SPIDR: variants seen among roughly 807,000 people sequenced by gnomAD.
The protein encoded by SPIDR is scaffold protein involved in DNA repair.
SPIDR carries 93 observed loss-of-function variants against 104.6 expected under a neutral mutation model. That is an observed-to-expected ratio of 0.89 (90% CI 0.75 to 1.06). SPIDR has a LOEUF of 1.06. Among genes scored for constraint, SPIDR ranks in the 50% least tolerant of loss-of-function variants. The pLI is 0.00. For synonymous variants in SPIDR, 431 were observed against 416.9 expected, an observed-to-expected ratio of 1.03 and a Z score of -0.41; for missense variants, 1,154 against 1,111.2, an observed-to-expected ratio of 1.04 and a Z score of -0.55.
intron 5 of SPIDR, among the ~76,000 whole-genome samples, chr8:47,392,444 G>A (rs782364106): frequency 5.3e-5 from 8 of 152,218 alleles, no homozygotes; most frequent in Non-Finnish European, 8.8e-5. Flanking sequence ...GGATGCAAGA[G>A]CAAGGATGGA....
At chr8:47,540,894 C>T (rs2087975829) in intron 8 of SPIDR, among the ~76,000 whole-genome samples, 1 of 152,216 alleles carries the variant, frequency 6.6e-6, no homozygotes, top group Non-Finnish European at 1.5e-5. Flanking sequence ...GCGTCTCACT[C>T]TGTTGCCTAG....
intron 5 of SPIDR, among the ~76,000 whole-genome samples, chr8:47,345,277 GT>G (rs530309908): frequency 1.2e-4 from 19 of 152,256 alleles, no homozygotes; most frequent in African/African-American, 4.3e-4. Context: ...GGTTATAGAT[GT>G]GTGGTATTAT....
At chr8:47,333,940 G>A (rs1334861613) in intron 5 of SPIDR, among the ~76,000 whole-genome samples, 1 of 152,158 alleles carries the variant, frequency 6.6e-6, no homozygotes, top group Non-Finnish European at 1.5e-5. Context: ...TCTCCTCTAA[G>A]CATTGCTTTC....
intron 10 of SPIDR, among the ~76,000 whole-genome samples, chr8:47,651,803 G>A (rs1044923927): frequency 2.0e-5 from 3 of 152,158 alleles, no homozygotes; most frequent in Non-Finnish European, 4.4e-5. Flanking sequence ...GGCTTTTGCA[G>A]CAGCTTGGAT....
At chr8:47,331,989 C>CTTTTTTTTTTTTTTTT (rs1289524835) in intron 5 of SPIDR, among the ~76,000 whole-genome samples, 1 of 36,318 alleles carries the variant, frequency 2.8e-5, no homozygotes, top group Non-Finnish European at 5.5e-5. Flanking sequence ...TTTTTTTTCT[C>CTTTTTTTTTTTTTTTT]TTTTTTTTTT....
intron 8 of SPIDR, among the ~76,000 whole-genome samples, chr8:47,442,411 A>G (rs962197805): frequency 3.3e-5 from 5 of 152,222 alleles, no homozygotes; most frequent in African/African-American, 1.2e-4. Context: ...TTTAGGTTTA[A>G]CTTACTAGAT....
rs190500344 is a variant in SPIDR, at chr8:47,547,467, G to T, written c.1098-48344G>T. 873 of 210,986 alleles carry T rather than the reference G, an allele frequency of 4.1e-3. 9 individuals carry two copies. The highest frequency in any genetic ancestry group is 0.02 in the South Asian group (295 of 15,002). The allele number at this position is 210,986 out of a possible 1,614,324, so 13.1% of individuals were successfully genotyped here. A position where few individuals can be genotyped will look rare whatever the true frequency, so the allele number is the denominator to read the frequency against. On this transcript the variant is annotated intron_variant, in intron 8 of 19. Transcript: ENST00000297423. ...TTTTGAGATGGAGTCTCGCTCTGTC[G>T]CCAGGCTGGAATGCAGTGGCATGAT...
chr8:47,640,434 T>C (rs1012973066), intron 10 of SPIDR, among the ~76,000 whole-genome samples: 8 of 152,086 alleles, frequency 5.3e-5, no homozygotes, highest in African/African-American at 1.9e-4. Context: ...AAGCAGACAA[T>C]AACAACAAAG....
chr8:47,673,609 T>C (rs940569075), intron 10 of SPIDR, 192 bp from the exon 11 acceptor site: 4 of 698,872 alleles, frequency 5.7e-6, no homozygotes, highest in Non-Finnish European at 7.2e-6. Flanking sequence ...TAATCCTGAC[T>C]CACCCATTTA....
intron 11 of SPIDR, among the ~76,000 whole-genome samples, chr8:47,685,505 A>T (rs367747460): frequency 0.022 from 2,302 of 103,542 alleles, 44 homozygotes; most frequent in East Asian, 0.034. Flanking sequence ...TTATTTATTT[A>T]TTTATTTATT....
chr8:47,551,827 T>G (rs1374975900), intron 8 of SPIDR, among the ~76,000 whole-genome samples: 2 of 152,198 alleles, frequency 1.3e-5, no homozygotes, highest in Non-Finnish European at 2.9e-5. Context: ...TGAATTTTTT[T>G]GCTCTTGCTT....
chr8:47,642,273 G>A (rs1028801564), intron 10 of SPIDR, among the ~76,000 whole-genome samples: 25 of 152,156 alleles, frequency 1.6e-4, no homozygotes, highest in Admixed American at 5.2e-4. Context: ...AAAGTTAGCC[G>A]GGTGTGGTGG....
chr8:47,350,917 A>G (rs944555643), intron 5 of SPIDR, among the ~76,000 whole-genome samples: 1 of 152,174 alleles, frequency 6.6e-6, no homozygotes, highest in East Asian at 1.9e-4. Context: ...TTTAGAGCAC[A>G]CCCACACCAT....
intron 5 of SPIDR, among the ~76,000 whole-genome samples, chr8:47,319,555 G>A (rs925443834): frequency 4.5e-4 from 69 of 152,098 alleles, no homozygotes; most frequent in African/African-American, 1.6e-3. Context: ...AAGTTAACAA[G>A]GATATCCAGG....
chr8:47,531,115 C>T (rs1227694848), intron 8 of SPIDR, among the ~76,000 whole-genome samples: 1 of 152,064 alleles, frequency 6.6e-6, no homozygotes, highest in Non-Finnish European at 1.5e-5. Flanking sequence ...CAGGTTGGTC[C>T]CAAACTCCTA....
chr8:47,390,883 A>T (rs1393456067), intron 5 of SPIDR, among the ~76,000 whole-genome samples: 2 of 152,162 alleles, frequency 1.3e-5, no homozygotes, highest in African/African-American at 4.8e-5. Flanking sequence ...CTTTCTCGTT[A>T]GTCTGATTCT....
At chr8:47,327,710 G>A (rs1401477430) in intron 5 of SPIDR, among the ~76,000 whole-genome samples, 4 of 152,008 alleles carry the variant, frequency 2.6e-5, no homozygotes, top group Admixed American at 6.6e-5. Flanking sequence ...TTACAGGCAC[G>A]TGCCACCATG....
chr8:47,271,937 A>G (rs2035412059), intron 1 of SPIDR, among the ~76,000 whole-genome samples: 1 of 151,966 alleles, frequency 6.6e-6, no homozygotes, highest in Non-Finnish European at 1.5e-5. Flanking sequence ...AGTAGCTGGG[A>G]TTACAAGCAG....
At chr8:47,596,799 AT>A (rs777259920) in intron 9 of SPIDR, among the ~76,000 whole-genome samples, 1 of 152,158 alleles carries the variant, frequency 6.6e-6, no homozygotes, top group Non-Finnish European at 1.5e-5. Flanking sequence ...GCTATAAAAA[AT>A]ATTTTTTCTT....
Sources: allele counts gnomAD v4.1 joint callset (sites outside exome capture counted in the v4.1 genomes callset), GRCh38; gene constraint gnomAD v4.1.1; transcripts MANE v1.5; gene names NCBI Gene and HGNC (gene_info 2026-07-23, HGNC 2026-07-21).